MYLK: variants seen among roughly 807,000 people sequenced by gnomAD.
MYLK encodes the protein myosin light chain kinase, also known as myosin light chain kinase, smooth muscle.
A neutral mutation model predicts 203.4 loss-of-function variants in MYLK; 106 were observed. The ratio of observed to expected loss-of-function variants is 0.52; its 90% CI spans 0.45 to 0.61. The LOEUF (loss-of-function observed/expected upper bound fraction) is 0.61. Among genes scored for constraint, MYLK ranks in the 20% least tolerant of loss-of-function variants. The pLI is 0.00. For missense variants in MYLK, 2,072 were observed against 2,442.3 expected (o/e 0.85, Z 3.20); for synonymous variants, 867 against 959.5 (o/e 0.90, Z 1.78).
chr3:123,809,057 C>T (rs2109217882), intron 3 of MYLK, among the ~76,000 whole-genome samples: 1 of 152,252 alleles, frequency 6.6e-6, no homozygotes, highest in East Asian at 1.9e-4. Flanking sequence ...GGCTCTGCTG[C>T]TAGATTGCAC....
intron 15 of MYLK, 108 bp from the exon 16 acceptor site, chr3:123,708,111 A>G (rs2061533895): frequency 6.7e-7 from 1 of 1,491,556 alleles, no homozygotes; most frequent in Non-Finnish European, 9.2e-7. Flanking sequence ...TCACCCAAGT[A>G]ACAGATTGTC....
chr3:123,727,490 G>T (rs1473538048), intron 11 of MYLK, among the ~76,000 whole-genome samples: 1 of 152,200 alleles, frequency 6.6e-6, no homozygotes, highest in Non-Finnish European at 1.5e-5. Context: ...TTCTTATCTA[G>T]GAAATGGGTA....
chr3:123,733,314 C>T (rs890327358), intron 10 of MYLK, among the ~76,000 whole-genome samples: 3 of 152,064 alleles, frequency 2.0e-5, no homozygotes, highest in Non-Finnish European at 2.9e-5. Flanking sequence ...ATGAATACAG[C>T]GTGATGGGCA....
At chr3:123,792,256 G>C (rs989649483) in intron 4 of MYLK, among the ~76,000 whole-genome samples, 2 of 152,228 alleles carry the variant, frequency 1.3e-5, no homozygotes, top group African/African-American at 2.4e-5. Context: ...AGGAGACTGT[G>C]TGTGCAGTTA....
rs1000425340 is a variant in MYLK, at chr3:123,611,013, G to A, written c.*3092C>T. 1 of 152,154 alleles carries A rather than the reference G, an allele frequency of 6.6e-6. No homozygotes were observed. The highest frequency in any genetic ancestry group is 6.5e-5 in the Admixed American group (1 of 15,278). The allele number at this position is 152,154 out of a possible 1,614,324, so 9.4% of individuals were successfully genotyped here. On this transcript the variant is annotated 3_prime_UTR_variant, in exon 34 of 34. Transcript: ENST00000360304. ...GAAAGTATATCTGTTATTTTTCTCA[G>A]TGCAGCATATAAATTGTACATTTTT...
At chr3:123,832,971 T>C (rs1189352405) in intron 2 of MYLK, among the ~76,000 whole-genome samples, 2 of 152,082 alleles carry the variant, frequency 1.3e-5, no homozygotes, top group Non-Finnish European at 2.9e-5. Context: ...GTGGAAACCC[T>C]GAGTTTAGGG....
intron 19 of MYLK, among the ~76,000 whole-genome samples, chr3:123,683,817 G>T (rs542232847): frequency 6.6e-6 from 1 of 152,264 alleles, no homozygotes; most frequent in South Asian, 2.1e-4. Context: ...GGGGTGTTGG[G>T]GGGAGCAGAC....
intron 2 of MYLK, among the ~76,000 whole-genome samples, chr3:123,867,585 A>G (rs1418947439): frequency 6.6e-6 from 1 of 152,132 alleles, no homozygotes; most frequent in Non-Finnish European, 1.5e-5. Context: ...AATGCCAAGG[A>G]CTGCTGGCAG....
At chr3:123,872,103 C>CTT in intron 2 of MYLK, among the ~76,000 whole-genome samples, 1 of 152,028 alleles carries the variant, frequency 6.6e-6, no homozygotes, top group Non-Finnish European at 1.5e-5. Flanking sequence ...TTTGTAAATA[C>CTT]AGCTTCCTGG....
At position 123,657,862 on chromosome 3, in the gene MYLK, T is replaced by C. The variant is rs542504453; in HGVS notation, c.3986-434A>G. 4.6e-5 allele frequency among the ~76,000 whole-genome samples: 7 copies of C among 152,340 alleles called. No homozygotes were observed. In the East Asian group the frequency reaches 9.7e-4, roughly 21 times the overall value. ...GGCCCTTGGCCAATGACCTGTGACATAACTAGGGGTCTGCCTCCACTTTCT... is the reference window on the plus strand; with the variant it reads ...GGCCCTTGGCCAATGACCTGTGACACAACTAGGGGTCTGCCTCCACTTTCT... On this transcript the variant is annotated intron_variant, in intron 23 of 33. Transcript: ENST00000360304.
rs151045984 is a variant in MYLK at position 123,851,288 on chromosome 3, C to A, written c.-126-19618G>T. ...TTTTTCCAATTCTGTGAAGAAAGTC[C>A]TTGGTAGCTTGATGGGGATGGCCTG... On this transcript the variant is annotated intron_variant, in intron 2 of 33. Coordinates refer to ENST00000360304, the MANE Select transcript of MYLK (RefSeq NM_053025.4). Among the ~76,000 whole-genome samples the A allele has an allele frequency of 9.2e-3, 1,393 of 152,140 alleles. 13 individuals carry two copies. The highest frequency in any genetic ancestry group is 0.032 in the African/African-American group (1,312 of 41,514).
At chr3:123,692,179 A>C in intron 19 of MYLK, 1 of 417,094 alleles carries the variant, frequency 2.4e-6, no homozygotes, top group Non-Finnish European at 3.3e-6. Flanking sequence ...TTTCTCCCCG[A>C]TGTGTCCTCC....
chr3:123,851,734 A>C (rs908236446), intron 2 of MYLK, among the ~76,000 whole-genome samples: 3 of 152,058 alleles, frequency 2.0e-5, no homozygotes, highest in Non-Finnish European at 4.4e-5. Flanking sequence ...AATACCCTTT[A>C]TTTCTTTCTC....
At chr3:123,839,800 C>A (rs1175651243) in intron 2 of MYLK, among the ~76,000 whole-genome samples, 1 of 152,130 alleles carries the variant, frequency 6.6e-6, no homozygotes, top group African/African-American at 2.4e-5. Flanking sequence ...TTCTGGGCTA[C>A]TAAACAAACC....
intron 20 of MYLK, among the ~76,000 whole-genome samples, chr3:123,675,922 T>A (rs894303474): frequency 9.2e-5 from 14 of 152,222 alleles, no homozygotes; most frequent in African/African-American, 3.4e-4. Flanking sequence ...TATTGGTCAT[T>A]TTCCCAGAAT....
chr3:123,872,779 C>G (rs1387191885), intron 2 of MYLK, among the ~76,000 whole-genome samples: 2 of 152,176 alleles, frequency 1.3e-5, no homozygotes, highest in Non-Finnish European at 2.9e-5. Context: ...CTCCAAACCC[C>G]TTTGATTAGG....
intron 2 of MYLK, among the ~76,000 whole-genome samples, chr3:123,857,730 T>C (rs1577135348): frequency 1.3e-5 from 2 of 151,660 alleles, no homozygotes; most frequent in East Asian, 3.9e-4. Context: ...TGCACCAGCA[T>C]GGCACATGTA....
At chr3:123,761,000 G>T (rs1046427393) in intron 4 of MYLK, among the ~76,000 whole-genome samples, 1 of 152,148 alleles carries the variant, frequency 6.6e-6, no homozygotes, top group Non-Finnish European at 1.5e-5. Flanking sequence ...TGCAGCCCTG[G>T]AATTTCAAGA....
At chr3:123,828,616 A>G (rs991945325) in intron 3 of MYLK, among the ~76,000 whole-genome samples, 3 of 152,198 alleles carry the variant, frequency 2.0e-5, no homozygotes, top group Non-Finnish European at 4.4e-5. Flanking sequence ...GTATTATATC[A>G]AATGAAAATG....
Sources: gnomAD v4.1 joint callset for allele counts (sites outside exome capture counted in the v4.1 genomes callset) on GRCh38, gnomAD v4.1.1 for gene constraint, MANE v1.5 for transcripts, NCBI Gene and HGNC (gene_info 2026-07-23, HGNC 2026-07-21) for gene names.